NCKAP5: variants seen among roughly 807,000 people sequenced by gnomAD.
NCKAP5 encodes NCK associated protein 5.
A neutral mutation model predicts 167.0 loss-of-function variants in NCKAP5; 92 were observed. That is an observed-to-expected ratio of 0.55 (90% CI 0.47 to 0.66). The LOEUF (loss-of-function observed/expected upper bound fraction) is 0.66. NCKAP5 is among the 30% of genes least tolerant of loss of function. NCKAP5 has a pLI of 0.00. For synonymous variants in NCKAP5, 891 were observed against 877.4 expected (o/e 1.02, Z -0.27); for missense variants, 2,378 against 2,315.0 (o/e 1.03, Z -0.56).
chr2:133,652,917 A>G, the NCKAP5 span, among the ~76,000 whole-genome samples: 5 of 152,192 alleles, frequency 3.3e-5, no homozygotes, highest in Admixed American at 3.3e-4. Flanking sequence ...GTCCACCTCA[A>G]ATTTTACCTT....
chr2:133,235,338 G>T (rs985901615), intron 4 of NCKAP5, among the ~76,000 whole-genome samples: 1 of 152,074 alleles, frequency 6.6e-6, no homozygotes, highest in South Asian at 2.1e-4. Context: ...TGTCCTTTTC[G>T]TGATCTATTT....
intron 19 of NCKAP5, among the ~76,000 whole-genome samples, chr2:132,674,409 G>C (rs1573792944): frequency 6.6e-6 from 1 of 152,222 alleles, no homozygotes; most frequent in Admixed American, 6.5e-5. Context: ...TTGAATTTCT[G>C]TCTGGCTGCC....
chr2:133,590,069 A>G, the NCKAP5 span, among the ~76,000 whole-genome samples: 1 of 151,894 alleles, frequency 6.6e-6, no homozygotes. Flanking sequence ...GGGCTCCTCA[A>G]CTCCATCTCA....
intron 8 of NCKAP5, among the ~76,000 whole-genome samples, chr2:132,936,175 T>C (rs935810034): frequency 6.6e-6 from 1 of 151,964 alleles, no homozygotes; most frequent in Non-Finnish European, 1.5e-5. Context: ...AGAGATGGGG[T>C]TTCACCATGT....
intron 4 of NCKAP5, among the ~76,000 whole-genome samples, chr2:133,261,651 T>C (rs1206357474): frequency 1.3e-5 from 2 of 152,206 alleles, no homozygotes; most frequent in Non-Finnish European, 2.9e-5. Flanking sequence ...TTACAAGCAT[T>C]TGATGAATTT....
chr2:132,818,882 T>A (rs999960868), intron 11 of NCKAP5, among the ~76,000 whole-genome samples: 1 of 152,224 alleles, frequency 6.6e-6, no homozygotes, highest in Non-Finnish European at 1.5e-5. Context: ...AAATATTGTG[T>A]ATGTGTATCA....
chr2:133,556,729 C>T (rs1403682472), intron 2 of NCKAP5: 2 of 152,136 alleles, frequency 1.3e-5, no homozygotes, highest in East Asian at 3.8e-4. Context: ...TTTTATTTTG[C>T]TTATTTTGCT....
intron 6 of NCKAP5, among the ~76,000 whole-genome samples, chr2:133,048,040 T>C (rs1183394206): frequency 6.6e-6 from 1 of 152,238 alleles, no homozygotes; most frequent in Non-Finnish European, 1.5e-5. Flanking sequence ...TTCAGGTTCA[T>C]GTCTCCTTTT....
chr2:133,090,268 G>A (rs898125560), intron 6 of NCKAP5, among the ~76,000 whole-genome samples: 1 of 151,776 alleles, frequency 6.6e-6, no homozygotes, highest in African/African-American at 2.4e-5. Flanking sequence ...TTGTAATTAG[G>A]TAAAGGATCC....
chr2:133,583,873 C>T, the NCKAP5 span, among the ~76,000 whole-genome samples: 1 of 152,296 alleles, frequency 6.6e-6, no homozygotes, highest in South Asian at 2.1e-4. Flanking sequence ...CCTGCCTCAG[C>T]CTCCCGAGTA....
chr2:132,747,913 C>T (rs1679785497), intron 16 of NCKAP5, among the ~76,000 whole-genome samples: 1 of 152,120 alleles, frequency 6.6e-6, no homozygotes, highest in South Asian at 2.1e-4. Flanking sequence ...AAGCTTCAGG[C>T]TTGATTGCTA....
At chr2:133,593,354 GA>G in the NCKAP5 span, among the ~76,000 whole-genome samples, 1 of 151,374 alleles carries the variant, frequency 6.6e-6, no homozygotes, top group Non-Finnish European at 1.5e-5. Flanking sequence ...TCTAGAGCTT[GA>G]AATTTTCTGA....
At chr2:133,058,781 A>G (rs1280404314) in intron 6 of NCKAP5, among the ~76,000 whole-genome samples, 3 of 152,224 alleles carry the variant, frequency 2.0e-5, no homozygotes, top group African/African-American at 7.2e-5. Flanking sequence ...ACTGACTCCA[A>G]TTTTGAAAAA....
At position 133,423,039 on chromosome 2, in the gene NCKAP5, T is replaced by C. The variant is rs1023796508; in HGVS notation, c.69+94419A>G. On this transcript the variant is annotated intron_variant, in intron 3 of 19. Coordinates refer to ENST00000409261, the MANE Select transcript of NCKAP5 (RefSeq NM_207363.3). ...GCCTGGGGATCTCAATACATCTAAT[T>C]TGGGACATGTTCCAAGCTCAGGAGC... 7.9e-5 allele frequency among the ~76,000 whole-genome samples: 12 copies of C among 152,138 alleles called. 1 individual carries two copies. The highest frequency in any genetic ancestry group is 2.2e-4 in the African/African-American group (9 of 41,430).
chr2:132,800,532 C>T (rs1219008888), intron 11 of NCKAP5, among the ~76,000 whole-genome samples: 2 of 152,126 alleles, frequency 1.3e-5, no homozygotes, highest in Admixed American at 6.5e-5. Context: ...GATCTTTTTA[C>T]TCATATGCTT....
chr2:132,897,943 G>A lies in NCKAP5; in HGVS notation c.580-19027C>T, dbSNP rs1168591395. ...ACTAGGGTGGTAGCTACTTACGGCT[G>A]GGGTGGCTATCGTAATTCCTTAAAA... On this transcript the variant is annotated intron_variant, in intron 8 of 19. Transcript: ENST00000409261. 2.0e-5 allele frequency among the ~76,000 whole-genome samples: 3 copies of A among 152,188 alleles called. No individual in the cohort carries two copies. In the East Asian group the frequency reaches 5.8e-4, roughly 29 times the overall value.
At chr2:132,732,172 A>G in intron 16 of NCKAP5, 121 bp from the exon 17 acceptor site, 1 of 953,856 alleles carries the variant, frequency 1.0e-6, no homozygotes, top group Non-Finnish European at 1.5e-6. Flanking sequence ...GAATTTAAGA[A>G]AAAGAAAAAT....
chr2:133,072,258 G>A (rs577723409), intron 6 of NCKAP5, among the ~76,000 whole-genome samples: 14 of 152,106 alleles, frequency 9.2e-5, no homozygotes, highest in Middle Eastern at 3.4e-3. Context: ...GCTAATTATT[G>A]TATTTTTAGT....
chr2:133,445,111 G>T (rs1322010932), intron 3 of NCKAP5, among the ~76,000 whole-genome samples: 1 of 152,110 alleles, frequency 6.6e-6, no homozygotes, highest in Non-Finnish European at 1.5e-5. Flanking sequence ...AAAGGGGCAA[G>T]TTGCAAAAAT....
Sources: gnomAD v4.1 joint callset for allele counts (sites outside exome capture counted in the v4.1 genomes callset) on GRCh38, gnomAD v4.1.1 for gene constraint, MANE v1.5 for transcripts, NCBI Gene and HGNC (gene_info 2026-07-23, HGNC 2026-07-21) for gene names.